PFKM: variants seen among roughly 807,000 people sequenced by gnomAD.
The protein encoded by PFKM is ATP-dependent 6-phosphofructokinase, muscle type.
Under a neutral mutation model 95.5 loss-of-function variants are expected in PFKM, and 58 were observed. That is an observed-to-expected ratio of 0.61 (90% confidence interval 0.49 to 0.76). The LOEUF (loss-of-function observed/expected upper bound fraction) is 0.76. PFKM is among the 30% of genes least tolerant of loss of function. The pLI, the probability that PFKM is intolerant of heterozygous loss-of-function variation, is 0.00. For missense variants in PFKM, 678 were observed against 1,005.4 expected, an observed-to-expected ratio of 0.67 and a Z score of 4.40; for synonymous variants, 336 against 357.2, an observed-to-expected ratio of 0.94 and a Z score of 0.67.
chr12:48,111,629 G>A (rs1476721441), intron 3 of PFKM, among the ~76,000 whole-genome samples: 1 of 152,210 alleles, frequency 6.6e-6, no homozygotes, highest in Admixed American at 6.5e-5. Context: ...GCCTGCCTTT[G>A]CTGGTGAGTG....
intron 19 of PFKM, 27 bp downstream of exon 19, chr12:48,143,841 A>T (rs4075913): frequency 6.3e-7 from 1 of 1,578,494 alleles, no homozygotes; most frequent in Non-Finnish European, 8.7e-7. Flanking sequence ...TTGTTCCTAA[A>T]TGAAGAAGAA....
chr12:48,123,719 A>G (rs894645115), intron 2 of PFKM, among the ~76,000 whole-genome samples: 1 of 152,188 alleles, frequency 6.6e-6, no homozygotes, highest in African/African-American at 2.4e-5. Context: ...CTAAGGACCC[A>G]CTTTGTATAG....
Position 48,133,047 on chromosome 12 carries a change from C to A in PFKM, c.417C>A (p.Leu139=). 1.2e-6 allele frequency: 2 copies of A among 1,614,052 alleles called. No individual in the cohort carries two copies. Among genetic ancestry groups the A allele is most frequent in the Non-Finnish European group, 1.7e-6 (2 of 1,179,928 alleles). ...RSEWSDLLSD[L]QKAGKITDEE... ...AGTGGAGTGACTTGTTGAGTGACCT[C>A]CAGAAAGCAGGTAAGAGAGTTTTCA... is the stretch of plus-strand genomic sequence containing the variant. Residue 139 remains leucine (L), a synonymous_variant, in exon 5 of 23, where the codon CTC becomes CTA. Transcript: ENST00000359794.
Position 48,127,913 on chromosome 12 carries a change from A to G in PFKM, c.86-2450A>G, listed in dbSNP as rs1349932831. ...GGGGTTCCTGGATTCCCTGAAACCC[A>G]TCACCCATGGATCCCTGATTAAACC... On this transcript the variant is annotated intron_variant, in intron 2 of 22. Coordinates refer to ENST00000359794, the MANE Select transcript of PFKM (RefSeq NM_000289.6). Among the ~76,000 whole-genome samples the G allele has an allele frequency of 3.9e-5, 6 of 152,346 alleles. No individual in the cohort carries two copies. In the East Asian group the frequency reaches 1.2e-3, roughly 29 times the overall value.
At chr12:48,132,405 G>A (rs1157460878) in intron 4 of PFKM, among the ~76,000 whole-genome samples, 1 of 152,206 alleles carries the variant, frequency 6.6e-6, no homozygotes, top group African/African-American at 2.4e-5. Context: ...CCTGGGTACA[G>A]TTAGAAATCT....
intron 20 of PFKM, among the ~76,000 whole-genome samples, chr12:48,144,798 G>T (rs1950882404): frequency 6.6e-6 from 1 of 152,180 alleles, no homozygotes; most frequent in East Asian, 1.9e-4. Context: ...GGATTGTGGG[G>T]CCAATCATCT....
chr12:48,111,088 T>C (rs899246945), intron 3 of PFKM, among the ~76,000 whole-genome samples: 1 of 152,198 alleles, frequency 6.6e-6, no homozygotes, highest in African/African-American at 2.4e-5. Context: ...AACTGCCCAC[T>C]AGACATAAAG....
At chr12:48,120,341 T>A (rs534811895) in intron 1 of PFKM, among the ~76,000 whole-genome samples, 22 of 152,234 alleles carry the variant, frequency 1.4e-4, no homozygotes, top group Non-Finnish European at 3.1e-4. Context: ...ATATTTGTAT[T>A]TCATGTAGTT....
At chr12:48,131,228 C>A in intron 3 of PFKM, 88 bp from the exon 4 acceptor site, 1 of 935,446 alleles carries the variant, frequency 1.1e-6, no homozygotes, top group South Asian at 1.3e-5. Flanking sequence ...GCTTGACTCT[C>A]AGAGAATCTC....
Position 48,131,335 on chromosome 12 carries a change from A to C in PFKM, c.179A>C (p.Asp60Ala). The C allele has an allele frequency of 2.5e-6, 4 of 1,612,974 alleles. No homozygotes were observed. Among genetic ancestry groups the C allele is most frequent in the Non-Finnish European group, 3.4e-6 (4 of 1,178,972 alleles). Reference sequence around the variant, plus strand: ...ACACAGGGTTATCAAGGCCTGGTGGATGGTGGAGATCACATCAAGGAAGCC... The same window carrying C: ...ACACAGGGTTATCAAGGCCTGGTGGCTGGTGGAGATCACATCAAGGAAGCC... ...FVHEGYQGLV[D>A]GGDHIKEATW... Residue 60 changes from aspartate to alanine, a missense_variant, in exon 4 of 23, where the codon GAT becomes GCT. Asp to Ala is a moderately radical substitution (Grantham distance 126). Transcript: ENST00000359794.
In PFKM at chr12:48,134,940, C is replaced by T. The variant is rs1293647884; in HGVS notation, c.748-3C>T. ...GACCATTTTACCCTTTGTTCTCAAC[C>T]AGACAAGGACCCGTGGTTCTCGTCT... is the stretch of plus-strand genomic sequence containing the variant. On this transcript the variant is annotated splice_polypyrimidine_tract_variant and splice_region_variant and intron_variant, in intron 8 of 22. Transcript: ENST00000359794. 3.1e-6 allele frequency: 5 copies of T among 1,613,080 alleles called. No homozygotes were observed. The highest frequency in any genetic ancestry group is 3.4e-6 in the Non-Finnish European group (4 of 1,179,166).
At chr12:48,130,312 G>A (rs769235658) in intron 2 of PFKM, 51 bp from the exon 3 acceptor site, 68 of 1,166,058 alleles carry the variant, frequency 5.8e-5, no homozygotes, top group Middle Eastern at 5.7e-4. Context: ...ATTCCAGGGC[G>A]CCTTTTCTTA....
upstream of PFKM, among the ~76,000 whole-genome samples, chr12:48,118,811 A>G (rs1947902565): frequency 6.6e-6 from 1 of 152,192 alleles, no homozygotes; most frequent in Non-Finnish European, 1.5e-5. Context: ...AAGGTAATGT[A>G]AATGTAAAAG....
At chr12:48,122,382 A>G (rs1473740472) in intron 1 of PFKM, among the ~76,000 whole-genome samples, 1 of 152,200 alleles carries the variant, frequency 6.6e-6, no homozygotes, top group Non-Finnish European at 1.5e-5. Flanking sequence ...GCCCTCTGCA[A>G]TAACCTATCC....
chr12:48,135,915 C>G (rs78294086), intron 10 of PFKM, among the ~76,000 whole-genome samples: 3 of 75,950 alleles, frequency 3.9e-5, no homozygotes, highest in African/African-American at 1.0e-4. Flanking sequence ...TTGAGACGCA[C>G]CATTGCACTC....
Position 48,134,848 on chromosome 12 carries a change from G to T in PFKM, c.747+19G>T. 1.2e-6 allele frequency: 2 copies of T among 1,605,592 alleles called. No homozygotes were observed. Among genetic ancestry groups the T allele is most frequent in the Non-Finnish European group, 1.7e-6 (2 of 1,172,372 alleles). On this transcript the variant is annotated intron_variant, in intron 8 of 22. Coordinates refer to ENST00000359794, the MANE Select transcript of PFKM (RefSeq NM_000289.6). ...CAGCGAGGTACTTGCACTTTATTTT[G>T]CCCTTAAGAAATCCCTCACCCTGTT...
At chr12:48,115,889 G>A (rs1252046198), upstream of PFKM, among the ~76,000 whole-genome samples, 1 of 152,028 alleles carries the variant, frequency 6.6e-6, no homozygotes, top group Non-Finnish European at 1.5e-5. Flanking sequence ...GAATAATGTT[G>A]CTATGAACAT....
chr12:48,122,032 A>G (rs1478887331), intron 1 of PFKM, among the ~76,000 whole-genome samples: 2 of 152,214 alleles, frequency 1.3e-5, no homozygotes, highest in Non-Finnish European at 2.9e-5. Flanking sequence ...TATATACGGC[A>G]GTGACTTTGT....
At chr12:48,125,337 A>T (rs1490225054) in intron 2 of PFKM, 1 of 449,466 alleles carries the variant, frequency 2.2e-6, no homozygotes, top group Non-Finnish European at 4.5e-6. Flanking sequence ...ATGGGACGGG[A>T]TCGGCCAGGT....
Sources: allele counts gnomAD v4.1 joint callset (sites outside exome capture counted in the v4.1 genomes callset), GRCh38; gene constraint gnomAD v4.1.1; transcripts MANE v1.5; gene names NCBI Gene and HGNC (gene_info 2026-07-23, HGNC 2026-07-21).